Variants in SLC29A3 observed in about 807,000 individuals in gnomAD.
SLC29A3 encodes solute carrier family 29 member 3.
Under a neutral mutation model 25.4 loss-of-function variants are expected in SLC29A3, and 18 were observed. The ratio of observed to expected loss-of-function variants is 0.71; its 90% CI spans 0.49 to 1.05. SLC29A3 has a LOEUF of 1.05. SLC29A3 is among the 50% of genes least tolerant of loss of function. The probability of loss-of-function intolerance (pLI) is 0.00; values close to 1 mark genes in which losing one functional copy is unlikely to be tolerated. For missense variants in SLC29A3, 586 were observed against 609.0 expected (o/e 0.96, Z 0.40); for synonymous variants, 258 against 267.1 (o/e 0.97, Z 0.33).
chr10:71,341,638 T>C lies in SLC29A3; in HGVS notation c.301-2571T>C, dbSNP rs573945604. On this transcript the variant is annotated intron_variant, in intron 2 of 5. Transcript: ENST00000373189. ...GAAACCCTCATGAATTAGGAATCTATCTCTGCCTAGCAAAATACTACAAAT... is the reference window on the plus strand; with the variant it reads ...GAAACCCTCATGAATTAGGAATCTACCTCTGCCTAGCAAAATACTACAAAT... 2.0e-5 allele frequency among the ~76,000 whole-genome samples: 3 copies of C among 152,310 alleles called. No individual in the cohort carries two copies. In the East Asian group the frequency reaches 5.8e-4, roughly 29 times the overall value.
At chr10:71,334,780 C>T (rs1002021713) in intron 2 of SLC29A3, among the ~76,000 whole-genome samples, 6 of 152,156 alleles carry the variant, frequency 3.9e-5, no homozygotes, top group African/African-American at 1.4e-4. Flanking sequence ...ATTCATACTC[C>T]AGCTCACCCC....
At chr10:71,339,944 C>T (rs898638323) in intron 2 of SLC29A3, among the ~76,000 whole-genome samples, 5 of 152,174 alleles carry the variant, frequency 3.3e-5, no homozygotes, top group Non-Finnish European at 7.3e-5. Flanking sequence ...ACAGCTCCTC[C>T]GTTGTATCCA....
rs142142230 is a variant in SLC29A3 at position 71,362,373 on chromosome 10, A to G, written c.1193A>G (p.Tyr398Cys). ...ATCCCCCTCTTCGTGCTCTGTAACT[A>G]CCAGCCCCGCGTCCACCTGAAGACT... is the stretch of plus-strand genomic sequence containing the variant. Reference protein sequence around the residue: ...CLIPLFVLCNYQPRVHLKTVV... With the variant: ...CLIPLFVLCNCQPRVHLKTVV... The change falls in exon 6 of 6, where the codon TAC becomes TGC. Residue 398 changes from tyrosine to cysteine, a missense_variant. Coordinates refer to ENST00000373189, the MANE Select transcript of SLC29A3 (RefSeq NM_018344.6). 1.9e-6 allele frequency: 3 copies of G among 1,614,014 alleles called. No individual in the cohort carries two copies. Among genetic ancestry groups the G allele is most frequent in the East Asian group, 2.2e-5 (1 of 44,858 alleles).
chr10:71,322,979 G>C lies in SLC29A3; in HGVS notation c.225G>C (p.Lys75Asn), dbSNP rs543016261. Reference sequence around the variant, plus strand: ...CATGGAACTTCTTTATCACTGCCAAGGAGTACTGGATGTTCAAACTCCGCA... The same window carrying C: ...CATGGAACTTCTTTATCACTGCCAACGAGTACTGGATGTTCAAACTCCGCA... ...LLPWNFFITA[K>N]EYWMFKLRNS... is the part of the protein sequence containing the mutation. The change falls in exon 2 of 6, where the codon AAG becomes AAC. Residue 75 changes from lysine (K) to asparagine (N), a missense_variant. Physicochemically the swap from Lys to Asn is moderately conservative, Grantham distance 94 (BLOSUM62 0). Transcript: ENST00000373189. 7.4e-6 allele frequency: 12 copies of C among 1,614,042 alleles called. No individual in the cohort carries two copies. The highest frequency in any genetic ancestry group is 1.0e-5 in the Non-Finnish European group (12 of 1,180,058).
In SLC29A3 at chr10:71,362,472, C is replaced by T. The variant is rs758061099; in HGVS notation, c.1292C>T (p.Thr431Ile). ...GGGCTCAGCAACGGCTACCTCAGCACCCTGGCCCTCCTCTACGGGCCTAAG... is the reference window on the plus strand; with the variant it reads ...GGGCTCAGCAACGGCTACCTCAGCATCCTGGCCCTCCTCTACGGGCCTAAG... ...LLGLSNGYLS[T>I]LALLYGPKIV... Residue 431 changes from threonine (T) to isoleucine (I), a missense_variant, in exon 6 of 6, where the codon ACC becomes ATC. By Grantham distance (89) the Thr-to-Ile change is moderately conservative. Transcript: ENST00000373189. 1 of 1,614,208 alleles carries T rather than the reference C, an allele frequency of 6.2e-7. No homozygotes were observed. Among genetic ancestry groups the T allele is most frequent in the Non-Finnish European group, 8.5e-7 (1 of 1,180,046 alleles).
chr10:71,370,119 CT>C (rs971309953), intron 3 of SLC29A3, among the ~76,000 whole-genome samples: 2 of 152,138 alleles, frequency 1.3e-5, no homozygotes, highest in African/African-American at 4.8e-5. Context: ...GTTATAGGCA[CT>C]TGAAACATAA....
chr10:71,380,982 A>G lies in SLC29A3; in HGVS notation c.*1428A>G, dbSNP rs574955091. The G allele has an allele frequency of 3.3e-5, 5 of 152,330 alleles. No individual in the cohort carries two copies. In the East Asian group the frequency reaches 7.7e-4, roughly 23 times the overall value. 9.4% of individuals were successfully genotyped at this position (152,330 alleles called of 1,614,324 possible). On this transcript the variant is annotated 3_prime_UTR_variant and NMD_transcript_variant, in exon 5 of 5. Coordinates refer to the SLC29A3 transcript ENST00000642772. The stretch of plus-strand genomic sequence containing the variant: ...ATATACCTATCACCCAGCTTCAACA[A>G]TGATCAACTCGAGGTCAATCTTGTT...
intron 2 of SLC29A3, among the ~76,000 whole-genome samples, chr10:71,334,021 ATGAGGTTTCCATC>A (rs1846182551): frequency 6.6e-6 from 1 of 152,210 alleles, no homozygotes; most frequent in Non-Finnish European, 1.5e-5. Context: ...GTAGGTAGAA[ATGAGGTTTCCATC>A]TTCCTTGCTC....
At chr10:71,327,003 G>A (rs1845987589) in intron 2 of SLC29A3, among the ~76,000 whole-genome samples, 1 of 152,204 alleles carries the variant, frequency 6.6e-6, no homozygotes, top group Admixed American at 6.5e-5. Context: ...ATTTCCCTGT[G>A]AGAGGCTGCC....
intron 2 of SLC29A3, among the ~76,000 whole-genome samples, chr10:71,340,662 C>T (rs1846379230): frequency 6.6e-6 from 1 of 152,214 alleles, no homozygotes; most frequent in Admixed American, 6.5e-5. Context: ...TTGTTACCAT[C>T]CTAGTCACAG....
chr10:71,324,492 G>T (rs1332219761), intron 2 of SLC29A3, among the ~76,000 whole-genome samples: 2 of 152,128 alleles, frequency 1.3e-5, no homozygotes, highest in Non-Finnish European at 2.9e-5. Context: ...GAATATTCTG[G>T]CTCAACTGGC....
chr10:71,325,859 A>G (rs569178764), intron 2 of SLC29A3, among the ~76,000 whole-genome samples: 173 of 150,806 alleles, frequency 1.1e-3, no homozygotes, highest in Middle Eastern at 7.1e-3. Flanking sequence ...TGCACTGGAC[A>G]GGGCTTGGCT....
chr10:71,355,811 C>T (rs1164912694), intron 4 of SLC29A3, among the ~76,000 whole-genome samples: 2 of 152,186 alleles, frequency 1.3e-5, no homozygotes, highest in Non-Finnish European at 2.9e-5. Flanking sequence ...TGGTGGTCCC[C>T]TGAAGGCCAT....
chr10:71,348,987 G>A (rs770173390), intron 3 of SLC29A3, among the ~76,000 whole-genome samples: 2 of 152,168 alleles, frequency 1.3e-5, no homozygotes, highest in Non-Finnish European at 2.9e-5. Flanking sequence ...TGTGGAGCAT[G>A]GCTGAGCAGG....
intron 2 of SLC29A3, among the ~76,000 whole-genome samples, chr10:71,334,240 C>T (rs750887826): frequency 6.6e-6 from 1 of 152,260 alleles, no homozygotes; most frequent in Admixed American, 6.5e-5. Flanking sequence ...CCCACAGTCT[C>T]TGTTTGCTAC....
chr10:71,351,018 A>G (rs1372838070), intron 3 of SLC29A3, among the ~76,000 whole-genome samples: 4 of 152,348 alleles, frequency 2.6e-5, no homozygotes, highest in South Asian at 2.1e-4. Flanking sequence ...TATGGCGACG[A>G]TGATGATGAA....
rs1005432378 is a variant in SLC29A3 at position 71,338,775 on chromosome 10, A to G, written c.301-5434A>G. Among the ~76,000 whole-genome samples, 5 of 152,274 alleles carry G rather than the reference A, an allele frequency of 3.3e-5. No individual in the cohort carries two copies. The South Asian group carries it at 6.2e-4, about 19-fold the overall frequency. The stretch of plus-strand genomic sequence containing the variant: ...CTGTCTCGAAAAAAAAGAAAAAAAA[A>G]TCAAACTCTGTCATTTGCTGGCTTG... On this transcript the variant is annotated intron_variant, in intron 2 of 5. Coordinates refer to ENST00000373189, the MANE Select transcript of SLC29A3 (RefSeq NM_018344.6).
At chr10:71,348,624 C>T (rs915220379) in intron 3 of SLC29A3, among the ~76,000 whole-genome samples, 3 of 152,146 alleles carry the variant, frequency 2.0e-5, no homozygotes, top group Non-Finnish European at 4.4e-5. Context: ...AGGGGTAAGT[C>T]TTGACTGCTG....
rs1035945702 is a variant in SLC29A3, at chr10:71,333,920, A to T, written c.301-10289A>T. Among the ~76,000 whole-genome samples, 4 of 152,262 alleles carry T rather than the reference A, an allele frequency of 2.6e-5. No homozygotes were observed. The South Asian group carries it at 6.2e-4, about 24-fold the overall frequency. The stretch of plus-strand genomic sequence containing the variant: ...TATTCTGGTTACAGCCTGAGAGTAC[A>T]TGAGGGGAATAAAGGGGATAAGAAT... On this transcript the variant is annotated intron_variant, in intron 2 of 5. Transcript: ENST00000373189.
Sources: allele counts gnomAD v4.1 joint callset (sites outside exome capture counted in the v4.1 genomes callset), GRCh38; gene constraint gnomAD v4.1.1; transcripts MANE v1.5; gene names NCBI Gene and HGNC (gene_info 2026-07-23, HGNC 2026-07-21).